The following DYNLL2 variants were observed in gnomAD, a reference collection of about 807,000 sequenced individuals.
DYNLL2 encodes the protein dynein light chain 2, cytoplasmic.
DYNLL2 carries 1 observed loss-of-function variant against 9.7 expected under a neutral mutation model. The ratio of observed to expected loss-of-function variants is 0.10; its 90% CI spans 0.04 to 0.49. DYNLL2 has a LOEUF of 0.49. Ranked by LOEUF, DYNLL2 falls within the 20% of genes least tolerant of loss-of-function variation. DYNLL2 has a pLI of 0.95. For missense variants in DYNLL2, 37 were observed against 115.2 expected (o/e 0.32, Z 3.11); for synonymous variants, 35 against 40.5 (o/e 0.86, Z 0.52).
chr17:58,085,964 A>G (rs2075758549), intron 1 of DYNLL2, among the ~76,000 whole-genome samples: 2 of 152,224 alleles, frequency 1.3e-5, no homozygotes, highest in Admixed American at 1.3e-4. Context: ...GAGATGAGAA[A>G]TCAGTGTTGA....
chr17:58,087,098 A>T lies in DYNLL2; in HGVS notation c.8A>T (p.Asp3Val), dbSNP rs766621139. MS[D>V]RKAVIKNADM... ...CTTCTGTAGTGTCACACCATGTCTGACCGGAAGGCAGTGATCAAGAACGCA... is the reference window on the plus strand; with the variant it reads ...CTTCTGTAGTGTCACACCATGTCTGTCCGGAAGGCAGTGATCAAGAACGCA... The change falls in exon 2 of 3, where the codon GAC (aspartate) becomes GTC (valine). Residue 3 changes from aspartate (D) to valine (V), a missense_variant. Transcript: ENST00000579991. 6.2e-7 allele frequency: 1 copy of T among 1,614,046 alleles called. No individual in the cohort carries two copies. The highest frequency in any genetic ancestry group is 8.5e-7 in the Non-Finnish European group (1 of 1,180,034).
rs2075791389 is a variant in DYNLL2, at chr17:58,094,531, G to C, written c.*5252G>C. On this transcript the variant is annotated 3_prime_UTR_variant, in exon 3 of 3. Coordinates refer to ENST00000579991, the MANE Select transcript of DYNLL2 (RefSeq NM_080677.3). ...TCGCAACAATTGGGATGCAGAACTT[G>C]ATCTGACTCCCAGGCCAGGTTTGAT... The C allele has an allele frequency of 6.6e-6, 1 of 152,190 alleles. No individual in the cohort carries two copies. Among genetic ancestry groups the C allele is most frequent in the Non-Finnish European group, 1.5e-5 (1 of 68,054 alleles). The allele number at this position is 152,190 out of a possible 1,614,324, so 9.4% of individuals were successfully genotyped here. A position where few individuals can be genotyped will look rare whatever the true frequency, so the allele number is the denominator to read the frequency against.
intron 2 of DYNLL2, among the ~76,000 whole-genome samples, chr17:58,087,523 TTAAATA>T (rs1436337645): frequency 6.6e-6 from 1 of 152,172 alleles, no homozygotes; most frequent in East Asian, 1.9e-4. Context: ...AACTTCAGAA[TTAAATA>T]TTTCTGGCCC....
rs1426429076 is a variant in DYNLL2, at chr17:58,083,455, C to G, written c.-238C>G. On this transcript the variant is annotated 5_prime_UTR_variant, in exon 1 of 3. Coordinates refer to ENST00000579991, the MANE Select transcript of DYNLL2 (RefSeq NM_080677.3). ...GGAGCGGAGCTGTGAGGCGCCAGTGCGGAGCGGGCGGGCGGGCGGGCGGCG... is the reference window on the plus strand; with the variant it reads ...GGAGCGGAGCTGTGAGGCGCCAGTGGGGAGCGGGCGGGCGGGCGGGCGGCG... The G allele has an allele frequency of 5.8e-5, 2 of 34,304 alleles. No homozygotes were observed. Among genetic ancestry groups the G allele is most frequent in the Admixed American group, 4.0e-4 (1 of 2,486 alleles). The allele number at this position is 34,304 out of a possible 1,614,324, so 2.1% of individuals were successfully genotyped here. A position where few individuals can be genotyped will look rare whatever the true frequency, so the allele number is the denominator to read the frequency against.
chr17:58,086,851 T>G (rs2075761793), intron 1 of DYNLL2, among the ~76,000 whole-genome samples: 1 of 152,224 alleles, frequency 6.6e-6, no homozygotes, highest in East Asian at 1.9e-4. Context: ...CTCATTTTAC[T>G]TATGATAAAA....
Position 58,089,527 on chromosome 17 carries a change from A to G in DYNLL2, c.*248A>G, listed in dbSNP as rs2075772542. On this transcript the variant is annotated 3_prime_UTR_variant, in exon 3 of 3. Coordinates refer to ENST00000579991, the MANE Select transcript of DYNLL2 (RefSeq NM_080677.3). ...GACTTTAAAAATATTTTTTGGTTGT[A>G]TTGCACTAGGAAATCTCTCCCACCT... The G allele has an allele frequency of 2.0e-6, 1 of 506,572 alleles. No individual in the cohort carries two copies. 31.4% of individuals were successfully genotyped at this position (506,572 alleles called of 1,614,324 possible).
rs933992695 is a variant in DYNLL2, at chr17:58,094,525, G to A, written c.*5246G>A. 2.6e-5 allele frequency: 4 copies of A among 152,230 alleles called. No individual in the cohort carries two copies. The highest frequency in any genetic ancestry group is 2.6e-4 in the Admixed American group (4 of 15,288). The allele number at this position is 152,230 out of a possible 1,614,324, so 9.4% of individuals were successfully genotyped here. Reference sequence around the variant, plus strand: ...GGATGTTCGCAACAATTGGGATGCAGAACTTGATCTGACTCCCAGGCCAGG... The same window carrying A: ...GGATGTTCGCAACAATTGGGATGCAAAACTTGATCTGACTCCCAGGCCAGG... On this transcript the variant is annotated 3_prime_UTR_variant, in exon 3 of 3. Transcript: ENST00000579991.
Position 58,089,233 on chromosome 17 carries a change from A to G in DYNLL2, c.224A>G (p.Tyr75Cys). ...YVTHETKHFIYFYLGQVAILL... is the reference protein window; with the variant it reads ...YVTHETKHFICFYLGQVAILL... ...ACACACGAGACAAAGCACTTCATCTATTTTTACTTGGGTCAAGTTGCAATC... is the reference window on the plus strand; with the variant it reads ...ACACACGAGACAAAGCACTTCATCTGTTTTTACTTGGGTCAAGTTGCAATC... Residue 75 changes from tyrosine (Y) to cysteine (C), a missense_variant, in exon 3 of 3, where the codon TAT becomes TGT. Coordinates refer to ENST00000579991, the MANE Select transcript of DYNLL2 (RefSeq NM_080677.3). 6.2e-7 allele frequency: 1 copy of G among 1,614,024 alleles called. No individual in the cohort carries two copies. Among genetic ancestry groups the G allele is most frequent in the Non-Finnish European group, 8.5e-7 (1 of 1,179,972 alleles).
chr17:58,086,848 T>A (rs1314611666), intron 1 of DYNLL2, among the ~76,000 whole-genome samples: 1 of 152,230 alleles, frequency 6.6e-6, no homozygotes, highest in Non-Finnish European at 1.5e-5. Flanking sequence ...AATCTCATTT[T>A]ACTTATGATA....
intron 1 of DYNLL2, 32 bp from the exon 2 acceptor site, chr17:58,087,050 T>G (rs1465059282): frequency 6.2e-7 from 1 of 1,608,694 alleles, no homozygotes; most frequent in Admixed American, 1.7e-5. Flanking sequence ...GAGCAAGGAG[T>G]TGTCAGCCTT....
chr17:58,094,255 G>A lies in DYNLL2; in HGVS notation c.*4976G>A, dbSNP rs541214666. On this transcript the variant is annotated 3_prime_UTR_variant, in exon 3 of 3. Transcript: ENST00000579991. Reference sequence around the variant, plus strand: ...TCTCAGATCCTCGATTTCTTCATCTGTAAGATGGAAACAATATGTGTCTTT... The same window carrying A: ...TCTCAGATCCTCGATTTCTTCATCTATAAGATGGAAACAATATGTGTCTTT... 6.6e-6 allele frequency: 1 copy of A among 152,276 alleles called. No individual in the cohort carries two copies. The highest frequency in any genetic ancestry group is 2.1e-4 in the South Asian group (1 of 4,824). 9.4% of individuals were successfully genotyped at this position (152,276 alleles called of 1,614,324 possible). A position where few individuals can be genotyped will look rare whatever the true frequency, so the allele number is the denominator to read the frequency against.
chr17:58,088,541 C>G (rs2075768775), intron 2 of DYNLL2, among the ~76,000 whole-genome samples: 2 of 152,122 alleles, frequency 1.3e-5, no homozygotes, highest in South Asian at 4.2e-4. Context: ...AACTTGTGCC[C>G]CTTAGGGAAT....
At position 58,093,541 on chromosome 17, in the gene DYNLL2, A is replaced by C. The variant is rs1227423682; in HGVS notation, c.*4262A>C. 6.6e-6 allele frequency: 1 copy of C among 152,160 alleles called. No homozygotes were observed. The highest frequency in any genetic ancestry group is 1.5e-5 in the Non-Finnish European group (1 of 68,022). 9.4% of individuals were successfully genotyped at this position (152,160 alleles called of 1,614,324 possible). Reference sequence around the variant, plus strand: ...CTAGAACTTAGCACTGTGATGCACAAAGGCTTAACTGGGTTTGGCAGCAAG... The same window carrying C: ...CTAGAACTTAGCACTGTGATGCACACAGGCTTAACTGGGTTTGGCAGCAAG... On this transcript the variant is annotated 3_prime_UTR_variant, in exon 3 of 3. Coordinates refer to ENST00000579991, the MANE Select transcript of DYNLL2 (RefSeq NM_080677.3).
chr17:58,094,471 A>G lies in DYNLL2; in HGVS notation c.*5192A>G, dbSNP rs1246462446. ...TTATACCCATGTTATAGGGAAGGAAATAGGGAAGAAACTTGTCTAAGGTCA... is the reference window on the plus strand; with the variant it reads ...TTATACCCATGTTATAGGGAAGGAAGTAGGGAAGAAACTTGTCTAAGGTCA... On this transcript the variant is annotated 3_prime_UTR_variant, in exon 3 of 3. Transcript: ENST00000579991. 1 of 152,178 alleles carries G rather than the reference A, an allele frequency of 6.6e-6. No individual in the cohort carries two copies. Among genetic ancestry groups the G allele is most frequent in the Non-Finnish European group, 1.5e-5 (1 of 68,016 alleles). 9.4% of individuals were successfully genotyped at this position (152,178 alleles called of 1,614,324 possible). A position where few individuals can be genotyped will look rare whatever the true frequency, so the allele number is the denominator to read the frequency against.
In DYNLL2 at chr17:58,094,605, C is replaced by A. The variant is rs1476375195; in HGVS notation, c.*5326C>A. On this transcript the variant is annotated 3_prime_UTR_variant, in exon 3 of 3. Coordinates refer to ENST00000579991, the MANE Select transcript of DYNLL2 (RefSeq NM_080677.3). ...ACTAATTTTTTACTAGGTTCTGAGC[C>A]CTGTACTGAACTCTGGATTGCCCTG... The A allele has an allele frequency of 6.6e-6, 1 of 152,148 alleles. No homozygotes were observed. Among genetic ancestry groups the A allele is most frequent in the East Asian group, 1.9e-4 (1 of 5,198 alleles). 9.4% of individuals were successfully genotyped at this position (152,148 alleles called of 1,614,324 possible). A position where few individuals can be genotyped will look rare whatever the true frequency, so the allele number is the denominator to read the frequency against.
chr17:58,092,621 G>C lies in DYNLL2; in HGVS notation c.*3342G>C, dbSNP rs1273999937. Reference sequence around the variant, plus strand: ...CTCCAGTCTTCTGGGGACCCCCTTTGACTGAACCCAACCAAATGGCAGATG... The same window carrying C: ...CTCCAGTCTTCTGGGGACCCCCTTTCACTGAACCCAACCAAATGGCAGATG... On this transcript the variant is annotated 3_prime_UTR_variant, in exon 3 of 3. Transcript: ENST00000579991. 1.3e-5 allele frequency: 2 copies of C among 152,214 alleles called. No individual in the cohort carries two copies. The highest frequency in any genetic ancestry group is 4.8e-5 in the African/African-American group (2 of 41,432). The allele number at this position is 152,214 out of a possible 1,614,324, so 9.4% of individuals were successfully genotyped here.
In DYNLL2 at chr17:58,090,737, A is replaced by G. The variant is rs762516086; in HGVS notation, c.*1458A>G. 15 of 129,636 alleles carry G rather than the reference A, an allele frequency of 1.2e-4. No individual in the cohort carries two copies. Among genetic ancestry groups the G allele is most frequent in the Non-Finnish European group, 2.3e-4 (14 of 61,864 alleles). The allele number at this position is 129,636 out of a possible 1,614,324, so 8.0% of individuals were successfully genotyped here. On this transcript the variant is annotated 3_prime_UTR_variant, in exon 3 of 3. Transcript: ENST00000579991. ...AGGGGAAATCTTGTCTGTTAATGAAATAGGAGTGGGGTGGGGTTTGGGGTG... is the reference window on the plus strand; with the variant it reads ...AGGGGAAATCTTGTCTGTTAATGAAGTAGGAGTGGGGTGGGGTTTGGGGTG...
In DYNLL2 at chr17:58,091,951, T is replaced by C. The variant is rs2075781677; in HGVS notation, c.*2672T>C. ...ACAGAGGAGAATGAGACAAGTAAGT[T>C]CTAGGCTTCTATGACATACACATTC... On this transcript the variant is annotated 3_prime_UTR_variant, in exon 3 of 3. Coordinates refer to ENST00000579991, the MANE Select transcript of DYNLL2 (RefSeq NM_080677.3). The C allele has an allele frequency of 2.0e-5, 3 of 152,248 alleles. No homozygotes were observed. Among genetic ancestry groups the C allele is most frequent in the African/African-American group, 7.2e-5 (3 of 41,470 alleles). 9.4% of individuals were successfully genotyped at this position (152,248 alleles called of 1,614,324 possible).
chr17:58,089,044 C>T (rs750515266), intron 2 of DYNLL2, 98 bp from the exon 3 acceptor site: 22 of 1,475,294 alleles, frequency 1.5e-5, no homozygotes, highest in East Asian at 4.5e-5. Flanking sequence ...AACAACCAAA[C>T]GTGTCGGTGC....
Sources: allele counts gnomAD v4.1 joint callset (sites outside exome capture counted in the v4.1 genomes callset), GRCh38; gene constraint gnomAD v4.1.1; transcripts MANE v1.5; gene names NCBI Gene and HGNC (gene_info 2026-07-23, HGNC 2026-07-21).